PLAA: variants seen among roughly 807,000 people sequenced by gnomAD.
PLAA encodes the protein phospholipase A-2-activating protein.
Under a neutral mutation model 84.1 loss-of-function variants are expected in PLAA, and 48 were observed. That is an observed-to-expected ratio of 0.57 (90% confidence interval 0.45 to 0.73). The LOEUF is 0.73. Among genes scored for constraint, PLAA ranks in the 30% least tolerant of loss-of-function variants. The pLI is 0.00. For synonymous variants in PLAA, 392 were observed against 336.6 expected, an observed-to-expected ratio of 1.16 and a Z score of -1.80; for missense variants, 903 against 954.7, an observed-to-expected ratio of 0.95 and a Z score of 0.71.
chr9:26,941,326 G>T (rs1825533360), intron 1 of PLAA, among the ~76,000 whole-genome samples: 1 of 152,056 alleles, frequency 6.6e-6, no homozygotes, highest in South Asian at 2.1e-4. Flanking sequence ...GGAGTGTGAA[G>T]AATGTGTATA....
intron 9 of PLAA, among the ~76,000 whole-genome samples, chr9:26,917,396 AG>A (rs984475999): frequency 7.2e-5 from 11 of 152,260 alleles, no homozygotes; most frequent in African/African-American, 2.7e-4. Flanking sequence ...ATTATACCTT[AG>A]CCCCAGCACT....
At chr9:26,916,101 C>A in intron 10 of PLAA, 1 of 985,362 alleles carries the variant, frequency 1.0e-6, no homozygotes, top group Non-Finnish European at 1.2e-6. Context: ...TCTGGGCCAT[C>A]AATAAATTCA....
chr9:26,934,970 T>TA (rs1197057012), intron 2 of PLAA, 43 bp downstream of exon 2: 11 of 1,379,996 alleles, frequency 8.0e-6, no homozygotes, highest in Non-Finnish European at 9.9e-7. Context: ...TTCAAAGGGA[T>TA]AAAACTTCAA....
intron 1 of PLAA, among the ~76,000 whole-genome samples, chr9:26,936,633 T>C (rs1415040881): frequency 6.6e-6 from 1 of 152,206 alleles, no homozygotes; most frequent in African/African-American, 2.4e-5. Context: ...CAGTCATGCA[T>C]CTGTTCCCAG....
intron 2 of PLAA, 77 bp downstream of exon 2, chr9:26,934,936 G>A: frequency 9.1e-7 from 1 of 1,098,688 alleles, no homozygotes; most frequent in Non-Finnish European, 1.3e-6. Flanking sequence ...AAAAACTTGA[G>A]AAAATGGATA....
intron 8 of PLAA, 34 bp from the exon 9 acceptor site, chr9:26,919,563 T>C (rs1156740029): frequency 9.0e-7 from 1 of 1,116,810 alleles, no homozygotes; most frequent in Admixed American, 1.7e-5. Flanking sequence ...GATACATGCT[T>C]ATTATCTGTT....
chr9:26,929,079 T>C (rs1189516558), intron 2 of PLAA, among the ~76,000 whole-genome samples: 2 of 152,058 alleles, frequency 1.3e-5, no homozygotes, highest in Non-Finnish European at 2.9e-5. Flanking sequence ...TGCGCCTGTG[T>C]TCCCAGCTAC....
intron 10 of PLAA, among the ~76,000 whole-genome samples, chr9:26,914,997 G>A (rs1395381281): frequency 6.6e-6 from 1 of 152,134 alleles, no homozygotes; most frequent in Non-Finnish European, 1.5e-5. Context: ...TGGATCACCT[G>A]AGGTCAGGAG....
At chr9:26,939,426 T>TATAA (rs1196552610) in intron 1 of PLAA, among the ~76,000 whole-genome samples, 2 of 112,528 alleles carry the variant, frequency 1.8e-5, no homozygotes, top group African/African-American at 6.8e-5. Flanking sequence ...TAAACAAACA[T>TATAA]ATAAATAAAT....
rs1313155022 is a variant in PLAA at position 26,917,098 on chromosome 9, T to C, written c.1485A>G (p.Thr495=). 1.2e-6 allele frequency: 2 copies of C among 1,612,752 alleles called. No homozygotes were observed. The highest frequency in any genetic ancestry group is 1.7e-4 in the Middle Eastern group (1 of 6,058). ...ACATGAATCAAAACTACATCCCACC[T>C]GTAAAAGGATCTGCTGTGGGTAGTG... ...SNTLPTADPF[T]GAGRYVPGSA... is the part of the protein sequence containing the mutation. The change falls in exon 10 of 14, where the codon ACA becomes ACG. Residue 495 remains threonine, a splice_region_variant and synonymous_variant. Transcript: ENST00000397292.
chr9:26,938,904 T>C (rs756166349), intron 1 of PLAA, among the ~76,000 whole-genome samples: 1 of 152,196 alleles, frequency 6.6e-6, no homozygotes, highest in Non-Finnish European at 1.5e-5. Flanking sequence ...TACATACAGA[T>C]GTAATTCTGT....
chr9:26,943,486 A>T (rs1282222830), intron 1 of PLAA, among the ~76,000 whole-genome samples: 2 of 152,208 alleles, frequency 1.3e-5, no homozygotes, highest in African/African-American at 2.4e-5. Context: ...ACCAGGTCAG[A>T]TTCAGTAAGA....
intron 1 of PLAA, among the ~76,000 whole-genome samples, chr9:26,937,411 A>C (rs1825394531): frequency 6.6e-6 from 1 of 152,184 alleles, no homozygotes; most frequent in Admixed American, 6.5e-5. Flanking sequence ...AAAAAACAGC[A>C]AACCCTGGAA....
intron 6 of PLAA, among the ~76,000 whole-genome samples, chr9:26,924,232 G>C (rs1824868309): frequency 6.6e-6 from 1 of 151,984 alleles, no homozygotes; most frequent in Admixed American, 6.6e-5. Context: ...CCGGGCCCAA[G>C]CAATCCTCCC....
chr9:26,909,786 G>A (rs142663245), intron 12 of PLAA, among the ~76,000 whole-genome samples: 1 of 152,078 alleles, frequency 6.6e-6, no homozygotes, highest in East Asian at 1.9e-4. Flanking sequence ...ACCACGCCCG[G>A]CTAATTTTTG....
In PLAA at chr9:26,904,241, C is replaced by T. The variant is rs1824163666; in HGVS notation, c.*1270G>A. ...TTATTCTTCTAAGGCTATAATTTGG[C>T]ATTAAGCCAGGGGATTCATGGTTTT... On this transcript the variant is annotated 3_prime_UTR_variant, in exon 14 of 14. Coordinates refer to ENST00000397292, the MANE Select transcript of PLAA (RefSeq NM_001031689.3). 6.6e-6 allele frequency: 1 copy of T among 152,158 alleles called. No homozygotes were observed. The highest frequency in any genetic ancestry group is 6.5e-5 in the Admixed American group (1 of 15,268). The allele number at this position is 152,158 out of a possible 1,614,324, so 9.4% of individuals were successfully genotyped here. A position where few individuals can be genotyped will look rare whatever the true frequency, so the allele number is the denominator to read the frequency against.
At chr9:26,942,699 T>C (rs536452237) in intron 1 of PLAA, among the ~76,000 whole-genome samples, 2 of 151,792 alleles carry the variant, frequency 1.3e-5, no homozygotes, top group African/African-American at 4.8e-5. Context: ...TGGCTAACAC[T>C]GTGAAACCCC....
chr9:26,930,133 C>A (rs1484452538), intron 2 of PLAA, among the ~76,000 whole-genome samples: 1 of 147,726 alleles, frequency 6.8e-6, no homozygotes, highest in Non-Finnish European at 1.5e-5. Context: ...GAGACAGAGT[C>A]TCGCTCTGTC....
intron 7 of PLAA, among the ~76,000 whole-genome samples, chr9:26,920,610 G>A (rs1470750186): frequency 6.6e-6 from 1 of 152,090 alleles, no homozygotes; most frequent in Admixed American, 6.6e-5. Flanking sequence ...GATTCTACTA[G>A]GAAGCAACTG....
Sources: allele counts gnomAD v4.1 joint callset (sites outside exome capture counted in the v4.1 genomes callset), GRCh38; gene constraint gnomAD v4.1.1; transcripts MANE v1.5; gene names NCBI Gene and HGNC (gene_info 2026-07-23, HGNC 2026-07-21).